Variants in TMCC1 observed in about 807,000 individuals in gnomAD.
TMCC1 encodes transmembrane and coiled-coil domains protein 1.
A neutral mutation model predicts 52.4 loss-of-function variants in TMCC1; 15 were observed. The observed-to-expected ratio is 0.29, with a 90% CI of 0.19 to 0.44. The LOEUF (loss-of-function observed/expected upper bound fraction) is 0.44. Among genes scored for constraint, TMCC1 ranks in the 20% least tolerant of loss-of-function variants. The pLI is 1.00. For missense variants in TMCC1, 503 were observed against 806.0 expected (o/e 0.62, Z 4.55); for synonymous variants, 279 against 301.9 (o/e 0.92, Z 0.79).
chr3:129,682,867 C>T (rs1560181420), intron 4 of TMCC1, among the ~76,000 whole-genome samples: 1 of 151,874 alleles, frequency 6.6e-6, no homozygotes, highest in Non-Finnish European at 1.5e-5. Context: ...CAGAGTTTCG[C>T]TCTTGTTGCC....
At chr3:129,658,609 A>T (rs1361282038) in intron 5 of TMCC1, among the ~76,000 whole-genome samples, 1 of 152,238 alleles carries the variant, frequency 6.6e-6, no homozygotes, top group African/African-American at 2.4e-5. Flanking sequence ...CCCAGTATGA[A>T]GACAGCAAAA....
rs1003104978 is a variant in TMCC1, at chr3:129,811,339, C to A, written c.576+16464G>T. Among the ~76,000 whole-genome samples, 4 of 152,096 alleles carry A rather than the reference C, an allele frequency of 2.6e-5. No homozygotes were observed. In the East Asian group the frequency reaches 7.7e-4, roughly 29 times the overall value. The stretch of plus-strand genomic sequence containing the variant: ...GACTGCAGTGGCACAGTCAACAGCT[C>A]CCTGTAACCTCAACTCTTGGCCTCA... On this transcript the variant is annotated intron_variant, in intron 4 of 6. Coordinates refer to ENST00000393238, the MANE Select transcript of TMCC1 (RefSeq NM_001017395.5).
At chr3:129,704,791 G>T (rs1010664418) in intron 4 of TMCC1, among the ~76,000 whole-genome samples, 1 of 152,100 alleles carries the variant, frequency 6.6e-6, no homozygotes, top group African/African-American at 2.4e-5. Flanking sequence ...CTCATATCAG[G>T]CTTATATTAA....
At chr3:129,695,972 T>C (rs956380895) in intron 4 of TMCC1, among the ~76,000 whole-genome samples, 4 of 152,052 alleles carry the variant, frequency 2.6e-5, no homozygotes, top group Non-Finnish European at 4.4e-5. Flanking sequence ...AAGAAGAAAA[T>C]CAAAATATTT....
chr3:129,655,163 A>G, intron 5 of TMCC1, 60 bp from the exon 6 acceptor site: 5 of 1,579,120 alleles, frequency 3.2e-6, no homozygotes, highest in Non-Finnish European at 4.3e-6. Context: ...TCCTGGCATT[A>G]TTTACATCCA....
At chr3:129,658,954 C>T (rs941421331) in intron 5 of TMCC1, among the ~76,000 whole-genome samples, 7 of 152,140 alleles carry the variant, frequency 4.6e-5, no homozygotes, top group African/African-American at 1.7e-4. Context: ...CAGAGATATT[C>T]AAGGAGAGGC....
intron 4 of TMCC1, among the ~76,000 whole-genome samples, chr3:129,676,684 T>C (rs1002431019): frequency 6.6e-6 from 1 of 152,188 alleles, no homozygotes; most frequent in African/African-American, 2.4e-5. Context: ...AAAGGCAATG[T>C]GGTGGAAAGG....
At chr3:129,675,227 A>G (rs774886947) in intron 4 of TMCC1, among the ~76,000 whole-genome samples, 16 of 152,258 alleles carry the variant, frequency 1.1e-4, no homozygotes, top group Non-Finnish European at 1.9e-4. Flanking sequence ...GCACTGCAAA[A>G]TAAGGAAGGC....
rs755759066 is a variant in TMCC1, at chr3:129,774,019, C to T, written c.576+53784G>A. 2.0e-5 allele frequency among the ~76,000 whole-genome samples: 3 copies of T among 152,182 alleles called. No individual in the cohort carries two copies. The East Asian group carries it at 5.8e-4, about 29-fold the overall frequency. Reference sequence around the variant, plus strand: ...AAATACAAAAAAAATTAACTGTTTTCAGTTGTCATATTGGCACAACATAAC... The same window carrying T: ...AAATACAAAAAAAATTAACTGTTTTTAGTTGTCATATTGGCACAACATAAC... On this transcript the variant is annotated intron_variant, in intron 4 of 6. Transcript: ENST00000393238.
At chr3:129,709,553 G>A (rs1273749874) in intron 4 of TMCC1, among the ~76,000 whole-genome samples, 1 of 145,996 alleles carries the variant, frequency 6.8e-6, no homozygotes, top group Non-Finnish European at 1.5e-5. Flanking sequence ...ACTTTTCTCT[G>A]GTTAGTCCAT....
intron 4 of TMCC1, among the ~76,000 whole-genome samples, chr3:129,729,527 T>C (rs1231873282): frequency 6.6e-6 from 1 of 152,212 alleles, no homozygotes; most frequent in Admixed American, 6.5e-5. Context: ...ATAAATGAAC[T>C]GTGAGATGAA....
chr3:129,676,675 A>C (rs553923732), intron 4 of TMCC1, among the ~76,000 whole-genome samples: 1 of 152,310 alleles, frequency 6.6e-6, no homozygotes, highest in African/African-American at 2.4e-5. Flanking sequence ...ATCACGTGTA[A>C]AGGCAATGTG....
intron 4 of TMCC1, among the ~76,000 whole-genome samples, chr3:129,793,414 T>C (rs1427026084): frequency 2.0e-5 from 3 of 152,206 alleles, no homozygotes; most frequent in African/African-American, 7.2e-5. Context: ...CTAACAATTC[T>C]GATTAACAGC....
At chr3:129,766,721 T>C (rs1437094446) in intron 4 of TMCC1, among the ~76,000 whole-genome samples, 1 of 151,880 alleles carries the variant, frequency 6.6e-6, no homozygotes, top group South Asian at 2.1e-4. Flanking sequence ...TGGGCTCAAG[T>C]GATCCTCCCA....
intron 4 of TMCC1, among the ~76,000 whole-genome samples, chr3:129,678,656 G>A (rs915866297): frequency 2.6e-5 from 4 of 151,878 alleles, no homozygotes; most frequent in Admixed American, 6.6e-5. Flanking sequence ...CACCGTGCCC[G>A]GCCTCATTGT....
chr3:129,827,903 G>C lies in TMCC1; in HGVS notation c.476C>G (p.Thr159Arg). The C allele has an allele frequency of 1.9e-6, 3 of 1,614,148 alleles. No individual in the cohort carries two copies. Among genetic ancestry groups the C allele is most frequent in the Non-Finnish European group, 2.5e-6 (3 of 1,180,020 alleles). The change falls in exon 4 of 7, where the codon ACA becomes AGA. Residue 159 changes from threonine (T) to arginine (R), a missense_variant. Transcript: ENST00000393238. ...AGCAGAGCTGGTAGGTGCATCAGTTGTGGATGAAGACCTGGGTCGGCCTGA... is the reference window on the plus strand; with the variant it reads ...AGCAGAGCTGGTAGGTGCATCAGTTCTGGATGAAGACCTGGGTCGGCCTGA... ...MQSGRPRSSS[T>R]TDAPTSSAMM...
At chr3:129,805,833 C>T (rs1163435125) in intron 4 of TMCC1, among the ~76,000 whole-genome samples, 1 of 151,790 alleles carries the variant, frequency 6.6e-6, no homozygotes, top group African/African-American at 2.4e-5. Flanking sequence ...ATTTGGGAGG[C>T]TGAGGTGAGA....
At chr3:129,756,239 GAAT>G (rs2052999507) in intron 4 of TMCC1, among the ~76,000 whole-genome samples, 1 of 152,234 alleles carries the variant, frequency 6.6e-6, no homozygotes, top group East Asian at 1.9e-4. Flanking sequence ...ACCTGTATGT[GAAT>G]GTTTATAGTA....
chr3:129,883,872 A>C (rs1427070169), intron 1 of TMCC1, among the ~76,000 whole-genome samples: 4 of 151,708 alleles, frequency 2.6e-5, no homozygotes, highest in Non-Finnish European at 5.9e-5. Flanking sequence ...AAAAAAATTA[A>C]ATTAAAAAAA....
Sources: allele counts gnomAD v4.1 joint callset (sites outside exome capture counted in the v4.1 genomes callset), GRCh38; gene constraint gnomAD v4.1.1; transcripts MANE v1.5; gene names NCBI Gene and HGNC (gene_info 2026-07-23, HGNC 2026-07-21).